PRKCE: variants seen among roughly 807,000 people sequenced by gnomAD.
PRKCE encodes protein kinase C epsilon type.
Under a neutral mutation model 85.4 loss-of-function variants are expected in PRKCE, and 16 were observed. The ratio of observed to expected loss-of-function variants is 0.19; its 90% CI spans 0.13 to 0.28. PRKCE has a LOEUF of 0.28. PRKCE is among the 10% of genes least tolerant of loss of function. The probability of loss-of-function intolerance (pLI) is 1.00; values close to 1 mark genes in which losing one functional copy is unlikely to be tolerated. For synonymous variants in PRKCE, 388 were observed against 371.5 expected, an observed-to-expected ratio of 1.04 and a Z score of -0.51; for missense variants, 573 against 975.2, an observed-to-expected ratio of 0.59 and a Z score of 5.49.
chr2:46,004,109 A>G lies in PRKCE; in HGVS notation c.967-433A>G. On this transcript the variant is annotated intron_variant, in intron 7 of 14. Coordinates refer to ENST00000306156, the MANE Select transcript of PRKCE (RefSeq NM_005400.3). The surrounding 1 kb of genome is among the most constrained non-coding windows in gnomAD (Gnocchi z 4.1). ...ATACCCACGTGGATAGTTGAACATT[A>G]GCCTTTTCCTGCTGTACCCGTCCAA... 2 of 251,810 alleles carry G rather than the reference A, an allele frequency of 7.9e-6. No homozygotes were observed. The highest frequency in any genetic ancestry group is 1.0e-4 in the South Asian group (2 of 19,886). 15.6% of individuals were successfully genotyped at this position (251,810 alleles called of 1,614,324 possible). A position where few individuals can be genotyped will look rare whatever the true frequency, so the allele number is the denominator to read the frequency against.
chr2:45,935,648 A>G (rs1290444967), intron 2 of PRKCE, among the ~76,000 whole-genome samples: 1 of 152,068 alleles, frequency 6.6e-6, no homozygotes, highest in Admixed American at 6.5e-5. Flanking sequence ...TCAGCTGGGC[A>G]TTGTGACGTG....
chr2:45,761,884 A>G (rs7582320), intron 1 of PRKCE, among the ~76,000 whole-genome samples: 58,066 of 151,902 alleles, frequency 0.38, 11,174 homozygotes, highest in East Asian at 0.5. Context: ...TCCAAGAATC[A>G]TAAAAGCAGA....
chr2:45,849,372 C>T (rs549228937), intron 2 of PRKCE, among the ~76,000 whole-genome samples: 20 of 152,264 alleles, frequency 1.3e-4, no homozygotes, highest in African/African-American at 3.9e-4. Context: ...TCTCTTTTCT[C>T]GCTTAGCAAC....
intron 1 of PRKCE, among the ~76,000 whole-genome samples, chr2:45,811,852 TTAAA>T (rs1287346100): frequency 6.6e-6 from 1 of 152,216 alleles, no homozygotes; most frequent in Non-Finnish European, 1.5e-5. Flanking sequence ...ATTTTTAATA[TTAAA>T]TAAAAATTGT....
At chr2:45,661,526 TTTTG>T (rs1256677251) in intron 1 of PRKCE, among the ~76,000 whole-genome samples, 2 of 126,372 alleles carry the variant, frequency 1.6e-5, no homozygotes, top group African/African-American at 6.3e-5. Flanking sequence ...GTTTTTTGTT[TTTTG>T]TTTTTTTTTT....
intron 11 of PRKCE, among the ~76,000 whole-genome samples, chr2:46,108,491 G>A (rs907378551): frequency 6.6e-6 from 1 of 152,158 alleles, no homozygotes; most frequent in Non-Finnish European, 1.5e-5. Context: ...GTGGAATGAT[G>A]GACAGTGGAG....
chr2:46,090,862 C>T (rs1006027228), intron 11 of PRKCE, among the ~76,000 whole-genome samples: 5 of 152,142 alleles, frequency 3.3e-5, no homozygotes, highest in Admixed American at 6.5e-5. Context: ...TTATGTGATA[C>T]AGGGAATTTA....
At chr2:45,653,947 T>A (rs538055833) in intron 1 of PRKCE, among the ~76,000 whole-genome samples, 24 of 152,350 alleles carry the variant, frequency 1.6e-4, no homozygotes, top group Non-Finnish European at 1.6e-4. Context: ...TTCTTTTCCA[T>A]GCATGGCCTT....
intron 1 of PRKCE, among the ~76,000 whole-genome samples, chr2:45,771,091 A>G (rs116312878): frequency 0.011 from 1,630 of 152,166 alleles, 19 homozygotes; most frequent in African/African-American, 0.037. Context: ...AGGGTCCCCC[A>G]GTGTTTAGAG....
At position 45,806,698 on chromosome 2, in the gene PRKCE, C is replaced by A. The variant is rs1448496986; in HGVS notation, c.349-36302C>A. Among the ~76,000 whole-genome samples, 6 of 152,286 alleles carry A rather than the reference C, an allele frequency of 3.9e-5. 1 individual carries two copies. Among genetic ancestry groups the A allele is most frequent in the Admixed American group, 3.9e-4 (6 of 15,296 alleles). On this transcript the variant is annotated intron_variant, in intron 1 of 14. Coordinates refer to ENST00000306156, the MANE Select transcript of PRKCE (RefSeq NM_005400.3). Reference sequence around the variant, plus strand: ...CATACAGTACATGTCCTTTTGTGATCAGCTTATTTCACTTAGGTCGCTGGA... The same window carrying A: ...CATACAGTACATGTCCTTTTGTGATAAGCTTATTTCACTTAGGTCGCTGGA...
chr2:45,806,401 T>C (rs1438700282), intron 1 of PRKCE, among the ~76,000 whole-genome samples: 1 of 152,248 alleles, frequency 6.6e-6, no homozygotes, highest in African/African-American at 2.4e-5. Flanking sequence ...ATTTGTTTAA[T>C]TAGTTTGTTT....
At chr2:45,886,761 A>G (rs1022671919) in intron 2 of PRKCE, among the ~76,000 whole-genome samples, 1 of 152,206 alleles carries the variant, frequency 6.6e-6, no homozygotes, top group South Asian at 2.1e-4. Context: ...TTAAATGCCA[A>G]TGTGCTGAAA....
intron 1 of PRKCE, among the ~76,000 whole-genome samples, chr2:45,830,292 ACG>A (rs1491376820): frequency 1.2e-3 from 113 of 90,644 alleles, no homozygotes; most frequent in African/African-American, 3.7e-3. Context: ...ACAAAAACAA[ACG>A]AGAGAGAGAG....
Position 46,002,949 on chromosome 2 carries a change from C to T in PRKCE, c.966+1403C>T, listed in dbSNP as rs61756885. On this transcript the variant is annotated intron_variant, in intron 7 of 14. Coordinates refer to ENST00000306156, the MANE Select transcript of PRKCE (RefSeq NM_005400.3). ...GAAAACTCAGTACCTGCTGTCTTTG[C>T]GCTATATTTACATGGGTTGTCATGC... Among the ~76,000 whole-genome samples the T allele has an allele frequency of 6.0e-3, 916 of 152,274 alleles. 14 individuals carry two copies. The highest frequency in any genetic ancestry group is 0.021 in the African/African-American group (885 of 41,550).
At chr2:45,847,091 G>A (rs923782607) in intron 2 of PRKCE, among the ~76,000 whole-genome samples, 6 of 152,212 alleles carry the variant, frequency 3.9e-5, no homozygotes, top group African/African-American at 1.2e-4. Flanking sequence ...GGGACTGTGC[G>A]ATTGCTTTCT....
At chr2:45,826,919 G>A (rs1689985276) in intron 1 of PRKCE, among the ~76,000 whole-genome samples, 1 of 152,176 alleles carries the variant, frequency 6.6e-6, no homozygotes, top group Admixed American at 6.5e-5. Context: ...ATCATCACTT[G>A]TCTGGACTAT....
chr2:45,885,734 A>T (rs911660754), intron 2 of PRKCE, among the ~76,000 whole-genome samples: 1 of 152,208 alleles, frequency 6.6e-6, no homozygotes, highest in Non-Finnish European at 1.5e-5. Flanking sequence ...GGCAACTCCT[A>T]TGATTTCATA....
chr2:45,718,393 G>A (rs1228447471), intron 1 of PRKCE, among the ~76,000 whole-genome samples: 2 of 144,112 alleles, frequency 1.4e-5, no homozygotes, highest in Non-Finnish European at 3.0e-5. Context: ...TCACCAGGCT[G>A]GAGTGCAGTG....
At chr2:45,753,846 C>G (rs1434752239) in intron 1 of PRKCE, among the ~76,000 whole-genome samples, 1 of 152,174 alleles carries the variant, frequency 6.6e-6, no homozygotes, top group East Asian at 1.9e-4. Context: ...ATTCCCCTCC[C>G]AAATATTTCT....
Sources: gnomAD v4.1 joint callset for allele counts (sites outside exome capture counted in the v4.1 genomes callset) on GRCh38, gnomAD v4.1.1 for gene constraint, Gnocchi (gnomAD v3.1) non-coding constraint, MANE v1.5 for transcripts, NCBI Gene and HGNC (gene_info 2026-07-23, HGNC 2026-07-21) for gene names.